The following STARD10 variants were observed in gnomAD, a reference collection of about 807,000 sequenced individuals.
STARD10 encodes the protein START domain-containing protein 10.
In STARD10, 24 loss-of-function variants were observed where a neutral mutation model predicts 36.0. That is an observed-to-expected ratio of 0.67 (90% confidence interval 0.48 to 0.94). The LOEUF is 0.94. STARD10 is among the 40% of genes least tolerant of loss of function. The pLI is 0.00. For missense variants in STARD10, 335 were observed against 396.6 expected (o/e 0.84, Z 1.32); for synonymous variants, 156 against 161.9 (o/e 0.96, Z 0.28).
chr11:72,790,645 G>A (rs1439267469), intron 1 of STARD10, among the ~76,000 whole-genome samples: 1 of 152,228 alleles, frequency 6.6e-6, no homozygotes, highest in African/African-American at 2.4e-5. Flanking sequence ...CCCACACCCT[G>A]AAAGGGCCAG....
chr11:72,760,212 CTTTT>C (rs1279847984), intron 2 of STARD10, among the ~76,000 whole-genome samples: 2 of 151,632 alleles, frequency 1.3e-5, no homozygotes, highest in East Asian at 3.9e-4. Context: ...GGATTTCTTT[CTTTT>C]TTTCATTCAT....
intron 1 of STARD10, among the ~76,000 whole-genome samples, chr11:72,786,830 A>G (rs1416422434): frequency 6.6e-6 from 1 of 152,158 alleles, no homozygotes; most frequent in African/African-American, 2.4e-5. Context: ...CTATAATTCC[A>G]GTGCTTTGAG....
intron 1 of STARD10, among the ~76,000 whole-genome samples, chr11:72,785,594 A>C (rs1859062072): frequency 6.8e-6 from 1 of 146,904 alleles, no homozygotes; most frequent in African/African-American, 2.5e-5. Flanking sequence ...AAAAGGGAAT[A>C]AGAACCTGGG....
At chr11:72,763,798 G>A (rs1373025262) in intron 2 of STARD10, among the ~76,000 whole-genome samples, 5 of 152,152 alleles carry the variant, frequency 3.3e-5, no homozygotes, top group South Asian at 2.1e-4. Flanking sequence ...CCTCCTAAGC[G>A]GCCACAGGGA....
At chr11:72,791,703 CA>C (rs1182032243) in intron 1 of STARD10, among the ~76,000 whole-genome samples, 227 of 127,468 alleles carry the variant, frequency 1.8e-3, no homozygotes, top group African/African-American at 1.7e-3. Flanking sequence ...AATTCCGTCT[CA>C]AAAAAAAAAA....
At chr11:72,783,111 G>T (rs528015653) in intron 1 of STARD10, among the ~76,000 whole-genome samples, 11 of 152,288 alleles carry the variant, frequency 7.2e-5, no homozygotes, top group Admixed American at 6.5e-4. Flanking sequence ...AAAAAACGAG[G>T]AGTCGAGGAT....
chr11:72,764,381 ACT>A (rs1216797865), intron 2 of STARD10, among the ~76,000 whole-genome samples: 3 of 152,190 alleles, frequency 2.0e-5, no homozygotes, highest in African/African-American at 7.2e-5. Flanking sequence ...CTCAGCGTAA[ACT>A]CTGAGTAGCA....
chr11:72,786,769 A>G (rs1352787698), intron 1 of STARD10, among the ~76,000 whole-genome samples: 1 of 152,190 alleles, frequency 6.6e-6, no homozygotes, highest in South Asian at 2.1e-4. Flanking sequence ...GAGTTGCCAG[A>G]TAAAATACAG....
At chr11:72,765,188 C>A (rs533692379) in intron 2 of STARD10, among the ~76,000 whole-genome samples, 41 of 152,314 alleles carry the variant, frequency 2.7e-4, no homozygotes, top group African/African-American at 9.6e-4. Flanking sequence ...ATCGCTTGAA[C>A]CCGAGAGGCG....
intron 2 of STARD10, among the ~76,000 whole-genome samples, chr11:72,761,615 C>T (rs1305998265): frequency 1.3e-5 from 2 of 152,000 alleles, no homozygotes; most frequent in African/African-American, 2.4e-5. Flanking sequence ...CGTAGTGGCA[C>T]ATAACTGTAA....
chr11:72,774,597 T>G (rs990698504), intron 2 of STARD10, among the ~76,000 whole-genome samples: 1 of 152,236 alleles, frequency 6.6e-6, no homozygotes, highest in Admixed American at 6.5e-5. Context: ...ACACGTAGTC[T>G]GAGCTGCTTT....
At chr11:72,779,074 G>T (rs1447036510) in intron 2 of STARD10, among the ~76,000 whole-genome samples, 1 of 152,180 alleles carries the variant, frequency 6.6e-6, no homozygotes, top group Admixed American at 6.5e-5. Context: ...GGAGGAGGTA[G>T]CTCCGCCCTA....
At chr11:72,772,190 A>G (rs766883201) in intron 2 of STARD10, among the ~76,000 whole-genome samples, 2 of 151,074 alleles carry the variant, frequency 1.3e-5, no homozygotes, top group African/African-American at 2.4e-5. Flanking sequence ...CATAGGGGGC[A>G]TGGTTCTCCC....
chr11:72,776,011 G>T (rs777317272), intron 2 of STARD10, among the ~76,000 whole-genome samples: 3 of 152,152 alleles, frequency 2.0e-5, no homozygotes, highest in African/African-American at 7.2e-5. Context: ...CCAACCCAAA[G>T]TCTAGACACT....
rs189217362 is a variant in STARD10 at position 72,772,393 on chromosome 11, G to A, written c.207+8582C>T. On this transcript the variant is annotated intron_variant, in intron 2 of 6. Transcript: ENST00000334805. ...TGCCATAGGGGGCATGGTTCTCCCT[G>A]TGCCCAGCGTTGTCATAGTGGGCAT... Among the ~76,000 whole-genome samples, 232 of 152,300 alleles carry A rather than the reference G, an allele frequency of 1.5e-3. 1 individual carries two copies. Among genetic ancestry groups the A allele is most frequent in the African/African-American group, 5.3e-3 (219 of 41,564 alleles).
In STARD10 at chr11:72,755,158, C is replaced by A. The variant is rs1858626378; in HGVS notation, c.631-16G>T. 2 of 1,604,528 alleles carry A rather than the reference C, an allele frequency of 1.2e-6. No individual in the cohort carries two copies. The highest frequency in any genetic ancestry group is 1.3e-5 in the African/African-American group (1 of 74,786). On this transcript the variant is annotated splice_polypyrimidine_tract_variant and intron_variant, in intron 6 of 6. Transcript: ENST00000334805. ...TCTTCATGGCCTGTGGGCCCGCCGC[C>A]CCGCCGGGTCAGGGGGTGGCTAGGG... is the stretch of plus-strand genomic sequence containing the variant.
intron 1 of STARD10, among the ~76,000 whole-genome samples, chr11:72,785,270 A>AG (rs1451999747): frequency 2.0e-5 from 3 of 152,024 alleles, no homozygotes; most frequent in Admixed American, 2.0e-4. Flanking sequence ...CAAAGCAGAA[A>AG]TAAGAACCTA....
intron 1 of STARD10, among the ~76,000 whole-genome samples, chr11:72,791,127 T>C (rs931035981): frequency 2.0e-5 from 3 of 152,168 alleles, no homozygotes; most frequent in Non-Finnish European, 2.9e-5. Context: ...TAGGTAAACA[T>C]TGAGACAGTC....
chr11:72,787,811 C>T (rs1446041403), intron 1 of STARD10, among the ~76,000 whole-genome samples: 1 of 152,230 alleles, frequency 6.6e-6, no homozygotes, highest in East Asian at 1.9e-4. Flanking sequence ...CCAAGGTGGG[C>T]AAGAACTCCA....
Sources: allele counts gnomAD v4.1 joint callset (sites outside exome capture counted in the v4.1 genomes callset), GRCh38; gene constraint gnomAD v4.1.1; transcripts MANE v1.5; gene names NCBI Gene and HGNC (gene_info 2026-07-23, HGNC 2026-07-21).